ALK: variants seen among roughly 807,000 people sequenced by gnomAD.
ALK encodes ALK receptor tyrosine kinase, also known as ALK tyrosine kinase receptor.
Under a neutral mutation model 163.1 loss-of-function variants are expected in ALK, and 74 were observed. That is an observed-to-expected ratio of 0.45 (90% CI 0.38 to 0.55). The LOEUF is 0.55. Among genes scored for constraint, ALK ranks in the 20% least tolerant of loss-of-function variants. The pLI, the probability that ALK is intolerant of heterozygous loss-of-function variation, is 0.00. For synonymous variants in ALK, 960 were observed against 843.2 expected (o/e 1.14, Z -2.40); for missense variants, 2,063 against 2,105.3 (o/e 0.98, Z 0.39).
chr2:29,261,856 C>T (rs911417140), intron 11 of ALK, among the ~76,000 whole-genome samples: 1 of 152,170 alleles, frequency 6.6e-6, no homozygotes, highest in African/African-American at 2.4e-5. Flanking sequence ...GAGAGTGGCC[C>T]TACCCCTCTT....
At chr2:29,428,345 A>G (rs1212514672) in intron 4 of ALK, among the ~76,000 whole-genome samples, 1 of 152,014 alleles carries the variant, frequency 6.6e-6, no homozygotes, top group Non-Finnish European at 1.5e-5. Flanking sequence ...TGCAAAAATC[A>G]ACAAAACTCA....
chr2:29,831,008 A>AGAAGGGGAAGAG (rs1665376114), intron 1 of ALK, among the ~76,000 whole-genome samples: 3 of 40,764 alleles, frequency 7.4e-5, no homozygotes, highest in African/African-American at 2.1e-4. Context: ...AAGAAGAAGA[A>AGAAGGGGAAGAG]GAAGGGGAAG....
chr2:29,863,381 T>C (rs934084016), intron 1 of ALK, among the ~76,000 whole-genome samples: 1 of 152,128 alleles, frequency 6.6e-6, no homozygotes. Flanking sequence ...ATGTATAAAG[T>C]GGTTAATGTC....
In ALK at chr2:29,227,660, G is replaced by A; in HGVS notation, c.2828C>T (p.Ala943Val). ...GGGGYIGGNAASNNDPEMDGE... is the reference protein window; with the variant it reads ...GGGGYIGGNAVSNNDPEMDGE... ...ATCCATTTCGGGGTCATTGTTTGAG[G>A]CTGCATTGCCGCCTGAGTAGCAAAC... The change falls in exon 17 of 29, where the codon GCC becomes GTC. Residue 943 changes from alanine to valine, a missense_variant. Physicochemically the swap from Ala to Val is moderately conservative, Grantham distance 64. Coordinates refer to ENST00000389048, the MANE Select transcript of ALK (RefSeq NM_004304.5). The surrounding 1 kb of genome is among the most constrained non-coding windows in gnomAD (Gnocchi z 4.4). 6.2e-7 allele frequency: 1 copy of A among 1,613,876 alleles called. No homozygotes were observed. The highest frequency in any genetic ancestry group is 8.5e-7 in the Non-Finnish European group (1 of 1,179,984).
At chr2:29,894,134 G>GGTTT (rs1268130526) in intron 1 of ALK, among the ~76,000 whole-genome samples, 13 of 152,298 alleles carry the variant, frequency 8.5e-5, no homozygotes, top group Admixed American at 7.2e-4. Flanking sequence ...AATAGAAAAT[G>GGTTT]ATCAAGAAAC....
chr2:29,798,442 T>C (rs1432121536), intron 1 of ALK, among the ~76,000 whole-genome samples: 5 of 152,256 alleles, frequency 3.3e-5, no homozygotes, highest in African/African-American at 1.2e-4. Context: ...ATGTGAGTTG[T>C]TGTTTAAAAT....
At chr2:29,710,954 A>C (rs1679080152) in intron 2 of ALK, among the ~76,000 whole-genome samples, 1 of 152,180 alleles carries the variant, frequency 6.6e-6, no homozygotes, top group African/African-American at 2.4e-5. Context: ...GGATCTCACC[A>C]CATTTCCTCC....
At chr2:29,413,712 T>C (rs1346548446) in intron 4 of ALK, among the ~76,000 whole-genome samples, 1 of 152,094 alleles carries the variant, frequency 6.6e-6, no homozygotes, top group East Asian at 1.9e-4. Context: ...TTTATATATT[T>C]AGTAGAGACA....
intron 1 of ALK, among the ~76,000 whole-genome samples, chr2:29,736,993 G>C (rs1437862875): frequency 6.6e-6 from 1 of 152,088 alleles, no homozygotes; most frequent in Non-Finnish European, 1.5e-5. Context: ...AGAACCTAAA[G>C]ATTAGAAAGA....
chr2:29,616,945 G>A (rs1675864696), intron 3 of ALK, among the ~76,000 whole-genome samples: 1 of 152,138 alleles, frequency 6.6e-6, no homozygotes, highest in African/African-American at 2.4e-5. Context: ...TTGTGCATGT[G>A]CTTGACCCAC....
rs116206124 is a variant in ALK, at chr2:29,787,717, G to C, written c.668-70020C>G. ...TATGCAGATAAGAGGCTGTAAGACA[G>C]TAGGGTGGGTTAAGTAAGGGAGAAT... On this transcript the variant is annotated intron_variant, in intron 1 of 28. Coordinates refer to ENST00000389048, the MANE Select transcript of ALK (RefSeq NM_004304.5). Among the ~76,000 whole-genome samples, 766 of 152,352 alleles carry C rather than the reference G, an allele frequency of 5.0e-3. 6 individuals are homozygous for C. Among genetic ancestry groups the C allele is most frequent in the African/African-American group, 0.018 (731 of 41,584 alleles).
chr2:29,674,109 G>A (rs1463128440), intron 3 of ALK, among the ~76,000 whole-genome samples: 3 of 149,230 alleles, frequency 2.0e-5, no homozygotes, highest in Non-Finnish European at 4.5e-5. Flanking sequence ...ATACAATCAT[G>A]TCGTCTGCAA....
chr2:29,809,674 C>T (rs1360584457), intron 1 of ALK, among the ~76,000 whole-genome samples: 2 of 152,174 alleles, frequency 1.3e-5, no homozygotes, highest in African/African-American at 4.8e-5. Flanking sequence ...TTCCCATCTT[C>T]AGATGCAGTC....
rs116247655 is a variant in ALK, at chr2:29,263,616, A to G, written c.2041+11483T>C. ...AGCATTAGGACCAAATACTAGACCA[A>G]GAAGAGAAGGCAAAGTGTGTAAGAC... On this transcript the variant is annotated intron_variant, in intron 11 of 28. Coordinates refer to ENST00000389048, the MANE Select transcript of ALK (RefSeq NM_004304.5). Among the ~76,000 whole-genome samples the G allele has an allele frequency of 6.4e-3, 969 of 152,298 alleles. 7 individuals are homozygous for G. The highest frequency in any genetic ancestry group is 0.023 in the African/African-American group (937 of 41,556).
At chr2:29,713,841 T>C (rs1322642938) in intron 2 of ALK, among the ~76,000 whole-genome samples, 2 of 143,470 alleles carry the variant, frequency 1.4e-5, no homozygotes, top group African/African-American at 5.3e-5. Flanking sequence ...ATGTATCATG[T>C]TTTTTTTTTT....
Position 29,673,037 on chromosome 2 carries a change from T to C in ALK, c.952+21813A>G, listed in dbSNP as rs1212000669. Among the ~76,000 whole-genome samples, 7 of 128,666 alleles carry C rather than the reference T, an allele frequency of 5.4e-5. No individual in the cohort carries two copies. The East Asian group carries it at 1.5e-3, about 28-fold the overall frequency. 84.4% of individuals were successfully genotyped at this position (128,666 alleles called of 152,430 possible). On this transcript the variant is annotated intron_variant, in intron 3 of 28. Transcript: ENST00000389048. Reference sequence around the variant, plus strand: ...TTTGATGGGGTTGTTTGTTTTTTTCTTGTAAATTTGTTTGAGTTCATTGTA... The same window carrying C: ...TTTGATGGGGTTGTTTGTTTTTTTCCTGTAAATTTGTTTGAGTTCATTGTA...
intron 1 of ALK, among the ~76,000 whole-genome samples, chr2:29,878,933 C>G (rs1269615174): frequency 6.6e-6 from 1 of 152,144 alleles, no homozygotes; most frequent in East Asian, 1.9e-4. Flanking sequence ...GGGCAAAATG[C>G]TGCAGAGAAA....
At chr2:29,674,245 C>G (rs1299049919) in intron 3 of ALK, among the ~76,000 whole-genome samples, 1 of 151,548 alleles carries the variant, frequency 6.6e-6, no homozygotes, top group Admixed American at 6.6e-5. Flanking sequence ...GCATCCCTGT[C>G]TTGTGCCAGT....
intron 1 of ALK, among the ~76,000 whole-genome samples, chr2:29,750,199 A>T (rs987032476): frequency 4.6e-5 from 7 of 152,242 alleles, no homozygotes; most frequent in Admixed American, 2.6e-4. Context: ...TGAACATCAC[A>T]GAGTGCATTT....
Sources: gnomAD v4.1 joint callset for allele counts (sites outside exome capture counted in the v4.1 genomes callset) on GRCh38, gnomAD v4.1.1 for gene constraint, Gnocchi (gnomAD v3.1) non-coding constraint, MANE v1.5 for transcripts, NCBI Gene and HGNC (gene_info 2026-07-23, HGNC 2026-07-21) for gene names.